PGBD2: variants seen among roughly 807,000 people sequenced by gnomAD.
PGBD2 encodes the protein piggyBac transposable element-derived protein 2.
In PGBD2, 6 loss-of-function variants were observed where a neutral mutation model predicts 8.1. The observed-to-expected ratio is 0.74, with a 90% CI of 0.40 to 1.46. PGBD2 has a LOEUF of 1.46. Among genes scored for constraint, PGBD2 ranks in the 40% most tolerant of loss-of-function variants. PGBD2 has a pLI of 0.02. For missense variants in PGBD2, 802 were observed against 739.0 expected (o/e 1.09, Z -0.99); for synonymous variants, 318 against 272.2 (o/e 1.17, Z -1.66).
At chr1:248,928,640 A>G in the PGBD2 span, among the ~76,000 whole-genome samples, 3 of 152,212 alleles carry the variant, frequency 2.0e-5, no homozygotes, top group Non-Finnish European at 4.4e-5. Flanking sequence ...GCATTCCAGG[A>G]ACAGTAAGAG....
the PGBD2 span, among the ~76,000 whole-genome samples, chr1:248,928,122 T>G: frequency 6.6e-6 from 1 of 152,228 alleles, no homozygotes; most frequent in Non-Finnish European, 1.5e-5. Flanking sequence ...CCTGCTTTTT[T>G]GTCCCAGCAG....
the PGBD2 span, among the ~76,000 whole-genome samples, chr1:248,898,637 C>G: frequency 6.6e-6 from 1 of 152,180 alleles, no homozygotes; most frequent in African/African-American, 2.4e-5. Context: ...AAAACCGTTA[C>G]CAGCCACTAC....
chr1:248,906,727 G>A (rs903143956), intron 1 of PGBD2, among the ~76,000 whole-genome samples: 8 of 151,484 alleles, frequency 5.3e-5, no homozygotes, highest in Admixed American at 3.3e-4. Flanking sequence ...CGAATGCCAC[G>A]TCACATCCTG....
At chr1:248,923,828 A>G (rs1334898706), downstream of PGBD2, among the ~76,000 whole-genome samples, 2 of 152,158 alleles carry the variant, frequency 1.3e-5, no homozygotes, top group African/African-American at 4.8e-5. Flanking sequence ...ATCCAGCCCC[A>G]CTCAGTGAGA....
downstream of PGBD2, among the ~76,000 whole-genome samples, chr1:248,922,108 G>T (rs1425094866): frequency 2.0e-5 from 3 of 149,710 alleles, no homozygotes; most frequent in Non-Finnish European, 3.0e-5. Context: ...TGCCCAGGCT[G>T]GAGTGCAGTG....
rs370572166 is a variant in PGBD2 at position 248,917,287 on chromosome 1, G to A, written c.703G>A (p.Glu235Lys). ...ATACTTACATTTTGCAGATAACAAC[G>A]AACTTGATGCAAGTGATAGGTTTGC... ...FSYLHFADNNELDASDRFAKV... is the reference protein window; with the variant it reads ...FSYLHFADNNKLDASDRFAKV... Residue 235 changes from glutamate (E) to lysine (K), a missense_variant, in exon 3 of 3, where the codon GAA (glutamate) becomes AAA (lysine). Transcript: ENST00000329291. The A allele has an allele frequency of 1.2e-5, 19 of 1,613,996 alleles. No homozygotes were observed. In the Middle Eastern group the frequency reaches 1.3e-3, roughly 112 times the overall value.
chr1:248,914,676 C>A, intron 2 of PGBD2: 1 of 1,107,020 alleles, frequency 9.0e-7, no homozygotes, highest in Non-Finnish European at 1.2e-6. Flanking sequence ...GACCTCTGTG[C>A]CTACCCTCCA....
chr1:248,913,940 G>A, intron 2 of PGBD2, 61 bp downstream of exon 2: 1 of 1,415,368 alleles, frequency 7.1e-7, no homozygotes, highest in Non-Finnish European at 1.0e-6. Context: ...GCTTTTGAAA[G>A]GCCAGGTCCA....
the PGBD2 span, among the ~76,000 whole-genome samples, chr1:248,929,303 A>G: frequency 6.6e-6 from 1 of 152,070 alleles, no homozygotes; most frequent in Non-Finnish European, 1.5e-5. Context: ...TTTTCTTGCA[A>G]TCCGGGTGGA....
chr1:248,905,932 G>A (rs778839140), upstream of PGBD2, among the ~76,000 whole-genome samples: 2 of 152,208 alleles, frequency 1.3e-5, no homozygotes, highest in African/African-American at 2.4e-5. Context: ...AGGTGAAGCT[G>A]CTGTTAGATT....
downstream of PGBD2, chr1:248,919,977 A>G (rs1188698625): frequency 6.6e-6 from 1 of 152,202 alleles, no homozygotes; most frequent in African/African-American, 2.4e-5. Flanking sequence ...CCTGGGCTCA[A>G]GTGATTCTCC....
chr1:248,923,394 C>CA (rs1273363593), downstream of PGBD2, among the ~76,000 whole-genome samples: 3 of 151,914 alleles, frequency 2.0e-5, no homozygotes, highest in Non-Finnish European at 4.4e-5. Flanking sequence ...TGGATCTTTT[C>CA]AAAAAACCAG....
In PGBD2 at chr1:248,918,305, G is replaced by T; in HGVS notation, c.1721G>T (p.Cys574Phe). Reference sequence around the variant, plus strand: ...TGCCACTCACAGACCAACACCCGGTGTGAGAAGTGCCAGAAGGGTGTCCAT... The same window carrying T: ...TGCCACTCACAGACCAACACCCGGTTTGAGAAGTGCCAGAAGGGTGTCCAT... ...ALCHSQTNTR[C>F]EKCQKGVHAK... Residue 574 changes from cysteine to phenylalanine, a missense_variant, in exon 3 of 3, where the codon TGT (cysteine) becomes TTT (phenylalanine). Cys to Phe is a radical substitution (Grantham distance 205, BLOSUM62 -2). Transcript: ENST00000329291. 6.3e-7 allele frequency: 1 copy of T among 1,593,032 alleles called. No individual in the cohort carries two copies. The highest frequency in any genetic ancestry group is 8.6e-7 in the Non-Finnish European group (1 of 1,169,270).
chr1:248,930,090 C>T, the PGBD2 span, among the ~76,000 whole-genome samples: 2 of 152,334 alleles, frequency 1.3e-5, no homozygotes, highest in African/African-American at 4.8e-5. Context: ...ATGGGCTTTA[C>T]TTTCACATGT....
intron 1 of PGBD2, among the ~76,000 whole-genome samples, chr1:248,911,936 G>T (rs1003717365): frequency 6.6e-6 from 1 of 151,956 alleles, no homozygotes; most frequent in African/African-American, 2.4e-5. Context: ...AGGGGTTGTT[G>T]GTCTATTCTT....
downstream of PGBD2, among the ~76,000 whole-genome samples, chr1:248,920,473 A>G (rs1662261477): frequency 2.0e-5 from 3 of 152,222 alleles, no homozygotes; most frequent in African/African-American, 7.2e-5. Flanking sequence ...AAAGGACATG[A>G]ACTCATCCTT....
At chr1:248,907,380 G>T (rs533876410) in intron 1 of PGBD2, among the ~76,000 whole-genome samples, 1 of 152,208 alleles carries the variant, frequency 6.6e-6, no homozygotes, top group Non-Finnish European at 1.5e-5. Flanking sequence ...GGTTTTGTAC[G>T]GAGACATTCA....
At chr1:248,929,056 T>C in the PGBD2 span, among the ~76,000 whole-genome samples, 1 of 152,226 alleles carries the variant, frequency 6.6e-6, no homozygotes, top group East Asian at 1.9e-4. Context: ...CATTAAATTT[T>C]TTAAGTATTT....
the PGBD2 span, among the ~76,000 whole-genome samples, chr1:248,874,174 A>C: frequency 1.3e-5 from 2 of 152,152 alleles, no homozygotes; most frequent in Non-Finnish European, 2.9e-5. Flanking sequence ...ACCGCATCCA[A>C]TCATGTTTCT....
Sources: allele counts gnomAD v4.1 joint callset (sites outside exome capture counted in the v4.1 genomes callset), GRCh38; gene constraint gnomAD v4.1.1; transcripts MANE v1.5; gene names NCBI Gene and HGNC (gene_info 2026-07-23, HGNC 2026-07-21).